The following SH3RF3 variants were observed in gnomAD, a reference collection of about 807,000 sequenced individuals.
SH3RF3 encodes E3 ubiquitin-protein ligase SH3RF3.
Under a neutral mutation model 66.3 loss-of-function variants are expected in SH3RF3, and 29 were observed. The ratio of observed to expected loss-of-function variants is 0.44; its 90% CI spans 0.33 to 0.60. The LOEUF (loss-of-function observed/expected upper bound fraction) is 0.60, where lower values mean the gene tolerates loss of function less well. Among genes scored for constraint, SH3RF3 ranks in the 20% least tolerant of loss-of-function variants. The pLI is 0.04. For missense variants in SH3RF3, 1,194 were observed against 1,190.9 expected (o/e 1.00, Z -0.04); for synonymous variants, 583 against 532.0 (o/e 1.10, Z -1.32).
intron 4 of SH3RF3, among the ~76,000 whole-genome samples, chr2:109,399,210 C>T (rs1676238858): frequency 6.6e-6 from 1 of 152,090 alleles, no homozygotes; most frequent in Non-Finnish European, 1.5e-5. Context: ...TGAGTAACAC[C>T]CACCCGCCTC....
chr2:109,347,615 C>T, intron 1 of SH3RF3, 59 bp from the exon 2 acceptor site: 1 of 1,575,128 alleles, frequency 6.3e-7, no homozygotes, highest in South Asian at 1.2e-5. Flanking sequence ...CCGGCAGATC[C>T]ACTGTGGGGC....
intron 9 of SH3RF3, among the ~76,000 whole-genome samples, chr2:109,497,228 AT>A (rs1351938495): frequency 2.0e-5 from 3 of 152,242 alleles, no homozygotes; most frequent in Admixed American, 2.0e-4. Context: ...AAGTATTCTT[AT>A]CCCCAAGTTC....
intron 2 of SH3RF3, among the ~76,000 whole-genome samples, chr2:109,353,877 C>T (rs1307192712): frequency 6.6e-6 from 1 of 152,146 alleles, no homozygotes; most frequent in Non-Finnish European, 1.5e-5. Context: ...AGGTTCCCCT[C>T]AGCCCTCAGA....
At chr2:109,481,375 G>T (rs1372868704) in intron 8 of SH3RF3, among the ~76,000 whole-genome samples, 1 of 152,068 alleles carries the variant, frequency 6.6e-6, no homozygotes, top group Admixed American at 6.5e-5. Flanking sequence ...GTTTATTGCG[G>T]CTATGCTTCT....
At chr2:109,354,824 G>C (rs987023032) in intron 2 of SH3RF3, among the ~76,000 whole-genome samples, 1 of 152,268 alleles carries the variant, frequency 6.6e-6, no homozygotes, top group Non-Finnish European at 1.5e-5. Context: ...CTTTGGAAGA[G>C]CTAGTAAATG....
At chr2:109,319,293 T>A (rs979486911) in intron 1 of SH3RF3, among the ~76,000 whole-genome samples, 2 of 152,232 alleles carry the variant, frequency 1.3e-5, no homozygotes, top group Admixed American at 1.3e-4. Context: ...CATCGTGATA[T>A]GAACTCTACA....
chr2:109,475,990 G>T (rs1678672906), intron 8 of SH3RF3, among the ~76,000 whole-genome samples: 1 of 152,214 alleles, frequency 6.6e-6, no homozygotes, highest in Non-Finnish European at 1.5e-5. Context: ...GACTCTTCTT[G>T]CTCAGCTGAA....
chr2:109,346,311 C>G (rs1682695687), intron 1 of SH3RF3, among the ~76,000 whole-genome samples: 1 of 152,158 alleles, frequency 6.6e-6, no homozygotes, highest in African/African-American at 2.4e-5. Context: ...GTTGCTGAAA[C>G]ATAAATGTAG....
At chr2:109,425,644 T>C (rs910154749) in intron 5 of SH3RF3, among the ~76,000 whole-genome samples, 1 of 152,122 alleles carries the variant, frequency 6.6e-6, no homozygotes, top group African/African-American at 2.4e-5. Flanking sequence ...AGCACACGTG[T>C]TTACAGCATG....
At chr2:109,321,687 A>G (rs1334828207) in intron 1 of SH3RF3, among the ~76,000 whole-genome samples, 1 of 152,248 alleles carries the variant, frequency 6.6e-6, no homozygotes, top group African/African-American at 2.4e-5. Context: ...ATAAATTTGT[A>G]ATAAGTGTCA....
intron 1 of SH3RF3, among the ~76,000 whole-genome samples, chr2:109,312,581 G>C (rs1333780376): frequency 6.9e-6 from 1 of 145,434 alleles, no homozygotes; most frequent in Non-Finnish European, 1.5e-5. Flanking sequence ...TTCTTTCTCT[G>C]TGAATTTGCC....
chr2:109,437,890 C>CGTCTTCCACCACGGT (rs1022409942), intron 7 of SH3RF3, among the ~76,000 whole-genome samples: 2 of 152,272 alleles, frequency 1.3e-5, no homozygotes, highest in Non-Finnish European at 2.9e-5. Flanking sequence ...CATGCCACGG[C>CGTCTTCCACCACGGT]GTCTTCCACC....
chr2:109,349,168 A>AT (rs11463241), intron 2 of SH3RF3, among the ~76,000 whole-genome samples: 42 of 152,116 alleles, frequency 2.8e-4, no homozygotes, highest in African/African-American at 9.9e-4. Flanking sequence ...GCAGAGCTCG[A>AT]GGTGGCACTC....
chr2:109,389,826 G>A (rs116043215), intron 3 of SH3RF3, among the ~76,000 whole-genome samples: 106 of 152,168 alleles, frequency 7.0e-4, no homozygotes, highest in African/African-American at 2.4e-3. Context: ...TCCCTGATGG[G>A]GGTGCACTGT....
intron 4 of SH3RF3, among the ~76,000 whole-genome samples, chr2:109,414,748 T>C (rs1676678069): frequency 6.6e-6 from 1 of 152,190 alleles, no homozygotes; most frequent in Admixed American, 6.5e-5. Flanking sequence ...ACTGAGCCCA[T>C]GGCCTCTGTG....
intron 3 of SH3RF3, among the ~76,000 whole-genome samples, chr2:109,398,213 GCC>G (rs760744556): frequency 6.6e-6 from 1 of 152,222 alleles, no homozygotes; most frequent in Non-Finnish European, 1.5e-5. Flanking sequence ...TGCAGGGCCA[GCC>G]CACGTCTTCT....
At chr2:109,370,526 A>G (rs967753719) in intron 2 of SH3RF3, among the ~76,000 whole-genome samples, 15 of 152,026 alleles carry the variant, frequency 9.9e-5, no homozygotes, top group Admixed American at 9.8e-4. Context: ...GGCATGAGCC[A>G]CCGCGCCCGG....
rs954706870 is a variant in SH3RF3 at position 109,422,088 on chromosome 2, C to T, written c.1403+2446C>T. 3.9e-5 allele frequency among the ~76,000 whole-genome samples: 6 copies of T among 152,150 alleles called. 1 individual carries two copies. Among genetic ancestry groups the T allele is most frequent in the South Asian group, 2.1e-4 (1 of 4,830 alleles). On this transcript the variant is annotated intron_variant, in intron 5 of 9. Coordinates refer to ENST00000309415, the MANE Select transcript of SH3RF3 (RefSeq NM_001099289.3). ...ACATACCCTACCAGTGGCAAGTACC[C>T]GGGGTGGGGGTCTGATCTAACCATT...
chr2:109,144,940 G>A (rs1677057088), intron 1 of SH3RF3, among the ~76,000 whole-genome samples: 1 of 152,226 alleles, frequency 6.6e-6, no homozygotes, highest in African/African-American at 2.4e-5. Context: ...TGTGGGGTGA[G>A]CGCGTTCAGT....
Sources: allele counts gnomAD v4.1 joint callset (sites outside exome capture counted in the v4.1 genomes callset), GRCh38; gene constraint gnomAD v4.1.1; transcripts MANE v1.5; gene names NCBI Gene and HGNC (gene_info 2026-07-23, HGNC 2026-07-21).